Variants in CHORDC1 observed in about 807,000 individuals in gnomAD.
CHORDC1 encodes the protein cysteine and histidine-rich domain-containing protein 1.
A neutral mutation model predicts 48.3 loss-of-function variants in CHORDC1; 25 were observed. That is an observed-to-expected ratio of 0.52 (90% confidence interval 0.38 to 0.72). The LOEUF is 0.72. Ranked by LOEUF, CHORDC1 falls within the 30% of genes least tolerant of loss-of-function variation. CHORDC1 has a pLI of 0.00. For missense variants in CHORDC1, 317 were observed against 388.7 expected, an observed-to-expected ratio of 0.82 and a Z score of 1.55; for synonymous variants, 128 against 126.4, an observed-to-expected ratio of 1.01 and a Z score of -0.09.
intron 4 of CHORDC1, 107 bp from the exon 5 acceptor site, chr11:90,211,425 AT>A (rs1857856780): frequency 1.4e-6 from 1 of 716,204 alleles, no homozygotes; most frequent in African/African-American, 1.8e-5. Context: ...TGCTTTGTGT[AT>A]CAAATGATTC....
In CHORDC1 at chr11:90,222,873, G is replaced by A. The variant is rs754423149; in HGVS notation, c.64+18C>T. The stretch of plus-strand genomic sequence containing the variant: ...ATGAGGTGGAGGGGAGGGAGGGCTG[G>A]CGGCGCGTTCCTCTTACCGTCGGAA... On this transcript the variant is annotated intron_variant, in intron 1 of 10. Coordinates refer to ENST00000320585, the MANE Select transcript of CHORDC1 (RefSeq NM_012124.3). 1.2e-6 allele frequency: 2 copies of A among 1,611,900 alleles called. No individual in the cohort carries two copies. Among genetic ancestry groups the A allele is most frequent in the Non-Finnish European group, 1.7e-6 (2 of 1,178,346 alleles).
At chr11:90,211,087 G>A in intron 5 of CHORDC1, 128 bp downstream of exon 5, 2 of 572,556 alleles carry the variant, frequency 3.5e-6, no homozygotes, top group South Asian at 4.9e-5. Context: ...ACATTTAGAA[G>A]AAAAAGTTTC....
intron 2 of CHORDC1, among the ~76,000 whole-genome samples, chr11:90,217,033 CCA>C (rs1234957393): frequency 6.6e-6 from 1 of 152,124 alleles, no homozygotes; most frequent in Non-Finnish European, 1.5e-5. Context: ...TTCCACAGCA[CCA>C]CAGTTTCCAC....
intron 6 of CHORDC1, chr11:90,207,279 T>TCCA (rs1163152589): frequency 3.5e-5 from 3 of 86,882 alleles, no homozygotes; most frequent in African/African-American, 1.0e-4. Context: ...ACTTCTATTT[T>TCCA]CTACTAATTA....
intron 4 of CHORDC1, chr11:90,213,688 A>C (rs972008728): frequency 3.5e-5 from 16 of 456,844 alleles, no homozygotes; most frequent in Non-Finnish European, 6.2e-5. Flanking sequence ...ATGAAAAGGA[A>C]AACTGCTTCA....
rs554517668 is a variant in CHORDC1 at position 90,206,414 on chromosome 11, C to T, written c.493-142G>A. ...CTAGAAAATTCATAAATCCATCCCA[C>T]GCCATTCTGTTAAAAAATGAAAAAT... On this transcript the variant is annotated intron_variant, in intron 6 of 10. Transcript: ENST00000320585. 136 of 580,742 alleles carry T rather than the reference C, an allele frequency of 2.3e-4. 3 individuals are homozygous for T. The South Asian group carries it at 2.7e-3, about 12-fold the overall frequency. The allele number at this position is 580,742 out of a possible 1,614,324, so 36.0% of individuals were successfully genotyped here. A position where few individuals can be genotyped will look rare whatever the true frequency, so the allele number is the denominator to read the frequency against.
At chr11:90,206,969 C>T in intron 6 of CHORDC1, 1 of 344,456 alleles carries the variant, frequency 2.9e-6, no homozygotes, top group Non-Finnish European at 5.6e-6. Context: ...TGTATTTCTC[C>T]TTAAGATATT....
At chr11:90,203,012 G>A (rs372150368) in intron 9 of CHORDC1, 137 bp from the exon 10 acceptor site, 6 of 1,141,156 alleles carry the variant, frequency 5.3e-6, no homozygotes, top group East Asian at 5.4e-5. Flanking sequence ...TGTTTCATAT[G>A]AGAAAAGCCA....
rs913972178 is a variant in CHORDC1, at chr11:90,211,077, A to T, written c.433+138T>A. 9.2e-6 allele frequency: 5 copies of T among 544,646 alleles called. No homozygotes were observed. The East Asian group carries it at 1.7e-4, about 18-fold the overall frequency. The allele number at this position is 544,646 out of a possible 1,614,324, so 33.7% of individuals were successfully genotyped here. A position where few individuals can be genotyped will look rare whatever the true frequency, so the allele number is the denominator to read the frequency against. The stretch of plus-strand genomic sequence containing the variant: ...AAGTATTTGTAGTTTATCATATCTG[A>T]CATTTAGAAGAAAAAGTTTCTTAAC... On this transcript the variant is annotated intron_variant, in intron 5 of 10. Coordinates refer to ENST00000320585, the MANE Select transcript of CHORDC1 (RefSeq NM_012124.3).
intron 1 of CHORDC1, among the ~76,000 whole-genome samples, chr11:90,219,781 T>C (rs923388872): frequency 4.6e-5 from 7 of 152,136 alleles, no homozygotes; most frequent in Non-Finnish European, 7.3e-5. Context: ...TGTCTTTAAT[T>C]CCTCTAGCAC....
intron 1 of CHORDC1, among the ~76,000 whole-genome samples, chr11:90,218,429 A>G (rs952326877): frequency 2.6e-5 from 4 of 152,178 alleles, no homozygotes; most frequent in Non-Finnish European, 5.9e-5. Context: ...TATAACAATT[A>G]TATTTTATAT....
At chr11:90,211,074 C>T (rs1171758658) in intron 5 of CHORDC1, 141 bp downstream of exon 5, 1 of 537,816 alleles carries the variant, frequency 1.9e-6, no homozygotes, top group Admixed American at 3.7e-5. Context: ...TTTATCATAT[C>T]TGACATTTAG....
chr11:90,222,803 A>G (rs1413964184), intron 1 of CHORDC1, 88 bp downstream of exon 1: 2 of 1,214,426 alleles, frequency 1.6e-6, no homozygotes, highest in East Asian at 2.4e-5. Flanking sequence ...GGACGGCTGC[A>G]GGAGATCCGC....
In CHORDC1 at chr11:90,222,941, C is replaced by G. The variant is rs781513345; in HGVS notation, c.14G>C (p.Cys5Ser). 3 of 1,613,966 alleles carry G rather than the reference C, an allele frequency of 1.9e-6. No individual in the cohort carries two copies. The highest frequency in any genetic ancestry group is 1.3e-5 in the African/African-American group (1 of 74,934). Residue 5 changes from cysteine to serine, a missense_variant, in exon 1 of 11, where the codon TGC becomes TCC. Physicochemically the swap from Cys to Ser is moderately radical, Grantham distance 112. Transcript: ENST00000320585. ...GCGCTGACCGCAGCCCCGGTTGTAG[C>G]ACAGCAAGGCCATTTTCTTTTCCCA... Reference protein sequence around the residue: MALLCYNRGCGQRFD... With the variant: MALLSYNRGCGQRFD...
rs1858065465 is a variant in CHORDC1 at position 90,218,142 on chromosome 11, G to A, written c.107C>T (p.Ala36Val). The A allele has an allele frequency of 6.4e-7, 1 of 1,574,498 alleles. No homozygotes were observed. The highest frequency in any genetic ancestry group is 2.3e-5 in the East Asian group (1 of 43,456). Reference protein sequence around the residue: ...YHPGVPVFHDALKGWSCCKRR... With the variant: ...YHPGVPVFHDVLKGWSCCKRR... ...TGAAAATATAGTTCCTACCTTTAAT[G>A]CATCGTGAAAGACCGGAACACCTGG... is the stretch of plus-strand genomic sequence containing the variant. Residue 36 changes from alanine to valine, a missense_variant, in exon 2 of 11, where the codon GCA becomes GTA. Transcript: ENST00000320585.
In CHORDC1 at chr11:90,201,265, G is replaced by T. The variant is rs1362445018; in HGVS notation, c.*1140C>A. ...TTTAATTTATTCCCAAACTTTCTAA[G>T]TTCTTCCAGAGTTCTGGCCTTCAGA... On this transcript the variant is annotated 3_prime_UTR_variant, in exon 11 of 11. Coordinates refer to ENST00000320585, the MANE Select transcript of CHORDC1 (RefSeq NM_012124.3). The T allele has an allele frequency of 6.6e-6, 1 of 151,714 alleles. No individual in the cohort carries two copies. Among genetic ancestry groups the T allele is most frequent in the Non-Finnish European group, 1.5e-5 (1 of 67,802 alleles). The allele number at this position is 151,714 out of a possible 1,614,324, so 9.4% of individuals were successfully genotyped here.
At chr11:90,203,255 A>G in intron 9 of CHORDC1, 53 bp downstream of exon 9, 9 of 1,459,420 alleles carry the variant, frequency 6.2e-6, no homozygotes, top group Non-Finnish European at 8.4e-6. Context: ...ACAGTAACAT[A>G]AAGAATGATG....
intron 1 of CHORDC1, 196 bp downstream of exon 1, chr11:90,222,695 C>G (rs945123780): frequency 1.4e-6 from 1 of 703,092 alleles, no homozygotes; most frequent in Non-Finnish European, 2.6e-6. Context: ...CGGGGCCGGG[C>G]GCTCGCCAAG....
chr11:90,211,601 C>A, intron 4 of CHORDC1: 2 of 269,112 alleles, frequency 7.4e-6, no homozygotes, highest in Non-Finnish European at 1.4e-5. Context: ...GGAATAAAGA[C>A]TAGGAATCCA....
Sources: gnomAD v4.1 joint callset for allele counts (sites outside exome capture counted in the v4.1 genomes callset) on GRCh38, gnomAD v4.1.1 for gene constraint, MANE v1.5 for transcripts, NCBI Gene and HGNC (gene_info 2026-07-23, HGNC 2026-07-21) for gene names.